TMCO6: variants seen among roughly 807,000 people sequenced by gnomAD.
TMCO6 encodes transmembrane and coiled-coil domains 6.
Under a neutral mutation model 61.8 loss-of-function variants are expected in TMCO6, and 47 were observed. The observed-to-expected ratio is 0.76, with a 90% confidence interval of 0.60 to 0.97. TMCO6 has a LOEUF of 0.97. Ranked by LOEUF, TMCO6 falls within the 50% of genes least tolerant of loss-of-function variation. The pLI, the probability that TMCO6 is intolerant of heterozygous loss-of-function variation, is 0.00. For synonymous variants in TMCO6, 261 were observed against 254.2 expected, an observed-to-expected ratio of 1.03 and a Z score of -0.25; for missense variants, 557 against 601.6, an observed-to-expected ratio of 0.93 and a Z score of 0.78.
the TMCO6 span, among the ~76,000 whole-genome samples, chr5:140,614,739 C>T: frequency 2.0e-5 from 3 of 151,932 alleles, no homozygotes; most frequent in African/African-American, 7.3e-5. Flanking sequence ...CTCAGCCTCC[C>T]GAGTAGCTGG....
chr5:140,610,850 AT>A, the TMCO6 span, among the ~76,000 whole-genome samples: 1 of 152,040 alleles, frequency 6.6e-6, no homozygotes, highest in African/African-American at 2.4e-5. Context: ...ATATAAACTG[AT>A]TTTTTTTGGC....
the TMCO6 span, chr5:140,633,206 T>TAATCCTGGGATGTC: frequency 3.6e-6 from 4 of 1,112,406 alleles, no homozygotes; most frequent in East Asian, 7.7e-5. Context: ...ACAGTTTATG[T>TAATCCTGGGATGTC]AATCCTGGGA....
Position 140,643,126 on chromosome 5 carries a change from T to C in TMCO6, c.806+85T>C. 3 of 1,580,610 alleles carry C rather than the reference T, an allele frequency of 1.9e-6. No homozygotes were observed. In the East Asian group the frequency reaches 6.8e-5, roughly 36 times the overall value. The stretch of plus-strand genomic sequence containing the variant: ...CAACTCTTTGAACTTGTGTCTGGAA[T>C]TGCTATAGTGAGTTTTCCTCCCTCC... On this transcript the variant is annotated intron_variant, in intron 7 of 11. Transcript: ENST00000394671.
chr5:140,627,557 G>A, the TMCO6 span, among the ~76,000 whole-genome samples: 13 of 151,900 alleles, frequency 8.6e-5, no homozygotes. Context: ...GAACTAAAAG[G>A]CATTAAAGTT....
rs1756919590 is a variant in TMCO6 at position 140,639,986 on chromosome 5, A to G, written c.198+135A>G. The G allele has an allele frequency of 1.8e-5, 13 of 705,814 alleles. No individual in the cohort carries two copies. The South Asian group carries it at 2.3e-4, about 12-fold the overall frequency. 43.7% of individuals were successfully genotyped at this position (705,814 alleles called of 1,614,324 possible). A position where few individuals can be genotyped will look rare whatever the true frequency, so the allele number is the denominator to read the frequency against. On this transcript the variant is annotated intron_variant, in intron 2 of 11. Coordinates refer to ENST00000394671, the MANE Select transcript of TMCO6 (RefSeq NM_018502.5). ...GCATCCAGTGGGTCAAGCCAGAAAC[A>G]GGGGAATCATCCTGCACAACTCTTT...
chr5:140,620,808 C>T, the TMCO6 span, among the ~76,000 whole-genome samples: 7 of 152,098 alleles, frequency 4.6e-5, no homozygotes, highest in Non-Finnish European at 2.9e-5. Flanking sequence ...CCCAGGAGTT[C>T]GAGCCCAGCC....
At chr5:140,608,256 T>G in the TMCO6 span, among the ~76,000 whole-genome samples, 5 of 152,266 alleles carry the variant, frequency 3.3e-5, no homozygotes, top group African/African-American at 9.6e-5. Context: ...TAATGAATAA[T>G]AATGTTGAGC....
chr5:140,620,025 A>G, the TMCO6 span, among the ~76,000 whole-genome samples: 1 of 152,194 alleles, frequency 6.6e-6, no homozygotes, highest in Non-Finnish European at 1.5e-5. Context: ...TTACCTTAAG[A>G]TCCAGCAACC....
chr5:140,609,431 ATCTT>A, the TMCO6 span: 1 of 192,950 alleles, frequency 5.2e-6, no homozygotes, highest in South Asian at 8.6e-5. Flanking sequence ...GCATAATAAA[ATCTT>A]TATTTTATTA....
chr5:140,628,282 C>T, the TMCO6 span, among the ~76,000 whole-genome samples: 1 of 152,142 alleles, frequency 6.6e-6, no homozygotes, highest in African/African-American at 2.4e-5. Context: ...TTTCTTAGGT[C>T]TGTTTCTGTT....
chr5:140,599,994 A>G, the TMCO6 span, among the ~76,000 whole-genome samples: 1 of 152,072 alleles, frequency 6.6e-6, no homozygotes, highest in Non-Finnish European at 1.5e-5. Flanking sequence ...ATTCTAGGGG[A>G]AAAAGTCTAT....
the TMCO6 span, among the ~76,000 whole-genome samples, chr5:140,629,297 A>C: frequency 6.6e-6 from 1 of 151,326 alleles, no homozygotes; most frequent in Non-Finnish European, 1.5e-5. Context: ...AACAAAACCC[A>C]AAAAACTAAA....
chr5:140,645,195 T>C lies in TMCO6; in HGVS notation c.*97T>C. On this transcript the variant is annotated 3_prime_UTR_variant, in exon 12 of 12. Transcript: ENST00000394671. ...GATTTAGGACCATAATGAGGTCTCATGTTCTCTGCTCCCACACCTAAGCCA... is the reference window on the plus strand; with the variant it reads ...GATTTAGGACCATAATGAGGTCTCACGTTCTCTGCTCCCACACCTAAGCCA... 2.4e-6 allele frequency: 3 copies of C among 1,248,372 alleles called. No individual in the cohort carries two copies. The highest frequency in any genetic ancestry group is 2.5e-5 in the South Asian group (2 of 79,976). The allele number at this position is 1,248,372 out of a possible 1,614,324, so 77.3% of individuals were successfully genotyped here. A position where few individuals can be genotyped will look rare whatever the true frequency, so the allele number is the denominator to read the frequency against.
At position 140,644,214 on chromosome 5, in the gene TMCO6, GA is replaced by G. The variant is rs1249654781; in HGVS notation, c.1200+22del. On this transcript the variant is annotated intron_variant, in intron 10 of 11. Transcript: ENST00000394671. ...GTAATGGTATGTATTGGGGTTACTT[GA>G]ATCCAAGATCTGGTAGTCGGATTGT... is the stretch of plus-strand genomic sequence containing the variant. 1 of 1,609,886 alleles carries G rather than the reference GA, an allele frequency of 6.2e-7. No homozygotes were observed. The highest frequency in any genetic ancestry group is 8.5e-7 in the Non-Finnish European group (1 of 1,176,234).
intron 5 of TMCO6, 61 bp from the exon 6 acceptor site, chr5:140,642,525 A>T: frequency 2.5e-6 from 4 of 1,606,594 alleles, no homozygotes; most frequent in Non-Finnish European, 3.4e-6. Flanking sequence ...CAAGGGGCTG[A>T]AAGTCTCTGA....
At chr5:140,628,029 A>G in the TMCO6 span, among the ~76,000 whole-genome samples, 1 of 147,480 alleles carries the variant, frequency 6.8e-6, no homozygotes, top group Non-Finnish European at 1.5e-5. Context: ...TTTTTTTGAG[A>G]CAGAGTTTCA....
the TMCO6 span, among the ~76,000 whole-genome samples, chr5:140,629,933 C>CAAAAA: frequency 9.3e-6 from 1 of 107,434 alleles, no homozygotes. Flanking sequence ...AACTCTGCCT[C>CAAAAA]AAAAAAAAAA....
the TMCO6 span, among the ~76,000 whole-genome samples, chr5:140,614,430 C>T: frequency 6.6e-6 from 1 of 151,904 alleles, no homozygotes; most frequent in Non-Finnish European, 1.5e-5. Flanking sequence ...ATTGCTTGAA[C>T]CCGGGAAGCA....
chr5:140,639,143 T>G, upstream of TMCO6: 15 of 188,356 alleles, frequency 8.0e-5, no homozygotes, highest in Middle Eastern at 2.5e-3. Flanking sequence ...CAGTTCGGGA[T>G]TGTTTTGAAC....
Sources: allele counts gnomAD v4.1 joint callset (sites outside exome capture counted in the v4.1 genomes callset), GRCh38; gene constraint gnomAD v4.1.1; transcripts MANE v1.5; gene names NCBI Gene and HGNC (gene_info 2026-07-23, HGNC 2026-07-21).